The following TBC1D4 variants were observed in gnomAD, a reference collection of about 807,000 sequenced individuals.
TBC1D4 encodes the protein TBC (Tre-2, BUB2, CDC16) domain-containing protein.
In TBC1D4, 121 loss-of-function variants were observed where a neutral mutation model predicts 142.5. The observed-to-expected ratio is 0.85, with a 90% CI of 0.73 to 0.99. The LOEUF is 0.99. Ranked by LOEUF, TBC1D4 falls within the 50% of genes least tolerant of loss-of-function variation. The probability of loss-of-function intolerance (pLI) is 0.00; values close to 1 mark genes in which losing one functional copy is unlikely to be tolerated. For missense variants in TBC1D4, 1,475 were observed against 1,606.6 expected, an observed-to-expected ratio of 0.92 and a Z score of 1.40; for synonymous variants, 630 against 628.2, an observed-to-expected ratio of 1.00 and a Z score of -0.04.
intron 1 of TBC1D4, among the ~76,000 whole-genome samples, chr13:75,364,751 T>G (rs1353359878): frequency 6.6e-6 from 1 of 152,268 alleles, no homozygotes; most frequent in African/African-American, 2.4e-5. Context: ...ATTTTTAATC[T>G]GATTTTTAAC....
At chr13:75,386,049 T>C (rs969528975) in intron 1 of TBC1D4, among the ~76,000 whole-genome samples, 1 of 152,202 alleles carries the variant, frequency 6.6e-6, no homozygotes, top group African/African-American at 2.4e-5. Flanking sequence ...TAAGTTTAAT[T>C]GTACCCTACA....
At chr13:75,460,167 T>A (rs917510757) in intron 1 of TBC1D4, among the ~76,000 whole-genome samples, 6 of 151,452 alleles carry the variant, frequency 4.0e-5, no homozygotes, top group Admixed American at 1.3e-4. Context: ...AAAAAAAAAA[T>A]AATAATAATA....
At chr13:75,479,072 C>A (rs1309657041) in intron 1 of TBC1D4, among the ~76,000 whole-genome samples, 1 of 152,216 alleles carries the variant, frequency 6.6e-6, no homozygotes, top group Non-Finnish European at 1.5e-5. Flanking sequence ...CCTATTCATG[C>A]AATTTCCAAG....
chr13:75,369,703 T>C (rs963956578), intron 1 of TBC1D4, among the ~76,000 whole-genome samples: 1 of 152,150 alleles, frequency 6.6e-6, no homozygotes, highest in Non-Finnish European at 1.5e-5. Context: ...GAAATCACAA[T>C]GTTTATCTGA....
At chr13:75,298,805 C>T (rs369557591) in intron 17 of TBC1D4, among the ~76,000 whole-genome samples, 3 of 152,104 alleles carry the variant, frequency 2.0e-5, no homozygotes, top group African/African-American at 7.2e-5. Flanking sequence ...AAAGGCACCA[C>T]TGGCTTTCAC....
chr13:75,364,557 C>T (rs74096232), intron 1 of TBC1D4, among the ~76,000 whole-genome samples: 7 of 152,190 alleles, frequency 4.6e-5, no homozygotes, highest in Admixed American at 1.3e-4. Flanking sequence ...GCAACCTCAA[C>T]CCTTCATCAT....
At chr13:75,380,910 C>T (rs946482263) in intron 1 of TBC1D4, among the ~76,000 whole-genome samples, 18 of 152,102 alleles carry the variant, frequency 1.2e-4, no homozygotes, top group African/African-American at 3.9e-4. Context: ...GTAACATCTA[C>T]TATGCCCAAT....
At chr13:75,418,450 A>C (rs1471364675) in intron 1 of TBC1D4, among the ~76,000 whole-genome samples, 1 of 152,154 alleles carries the variant, frequency 6.6e-6, no homozygotes, top group East Asian at 1.9e-4. Flanking sequence ...TTTCCAGCTG[A>C]AAAAGGGGGA....
chr13:75,292,060 A>G (rs899650933), intron 19 of TBC1D4, 42 bp downstream of exon 19: 1 of 1,518,426 alleles, frequency 6.6e-7, no homozygotes, highest in Non-Finnish European at 9.1e-7. Context: ...TATATTCAGT[A>G]GAGAAAACTG....
intron 14 of TBC1D4, among the ~76,000 whole-genome samples, chr13:75,307,081 T>A (rs1298779169): frequency 6.6e-6 from 1 of 152,160 alleles, no homozygotes; most frequent in Non-Finnish European, 1.5e-5. Context: ...CATCTCAGCC[T>A]CCTGGGTAGC....
chr13:75,435,609 T>A (rs1031074203), intron 1 of TBC1D4, among the ~76,000 whole-genome samples: 1 of 152,178 alleles, frequency 6.6e-6, no homozygotes, highest in Non-Finnish European at 1.5e-5. Context: ...CATATATCTG[T>A]CCACTGACAG....
intron 1 of TBC1D4, among the ~76,000 whole-genome samples, chr13:75,463,079 T>A (rs939134282): frequency 1.3e-5 from 2 of 152,140 alleles, no homozygotes; most frequent in African/African-American, 4.8e-5. Flanking sequence ...TGACAGATGT[T>A]CTAATAACCA....
chr13:75,384,410 G>A (rs1380680796), intron 1 of TBC1D4, among the ~76,000 whole-genome samples: 3 of 152,080 alleles, frequency 2.0e-5, no homozygotes, highest in African/African-American at 7.2e-5. Context: ...CAGCCTGGGC[G>A]ACAGAGCGAG....
chr13:75,376,132 G>A (rs956433824), intron 1 of TBC1D4: 1 of 152,094 alleles, frequency 6.6e-6, no homozygotes, highest in Non-Finnish European at 1.5e-5. Context: ...AGTCAAAGCT[G>A]CAGAGATATG....
intron 1 of TBC1D4, among the ~76,000 whole-genome samples, chr13:75,404,917 T>C (rs1305656828): frequency 1.3e-5 from 2 of 152,164 alleles, no homozygotes; most frequent in Admixed American, 6.5e-5. Context: ...CTGCTGCTTA[T>C]CCTCTATGAC....
chr13:75,336,994 C>T lies in TBC1D4; in HGVS notation c.1658G>A (p.Arg553Lys). The T allele has an allele frequency of 4.3e-6, 7 of 1,613,182 alleles. No individual in the cohort carries two copies. The highest frequency in any genetic ancestry group is 5.9e-6 in the Non-Finnish European group (7 of 1,179,500). ...ATTTTTCAGAATGTCAAGTTTGAAC[C>T]TTCCACTGCTTGTTGCATTTTCTGG... is the stretch of plus-strand genomic sequence containing the variant. ...TIPENATSSG[R>K]FKLDILKNKA... The change falls in exon 8 of 21, where the codon AGG becomes AAG. Residue 553 changes from arginine (R) to lysine (K), a missense_variant. This residue lies in a region of TBC1D4 where 1,227 missense variants were observed against 1,267.7 expected (regional missense o/e 0.97). Coordinates refer to ENST00000377636, the MANE Select transcript of TBC1D4 (RefSeq NM_014832.5).
chr13:75,453,589 C>A (rs552757536), intron 1 of TBC1D4, among the ~76,000 whole-genome samples: 16 of 152,092 alleles, frequency 1.1e-4, no homozygotes, highest in African/African-American at 3.9e-4. Flanking sequence ...TGGCTGGGCG[C>A]GGTGGCTCAC....
intron 1 of TBC1D4, among the ~76,000 whole-genome samples, chr13:75,409,280 T>G (rs1367504891): frequency 1.3e-5 from 2 of 152,208 alleles, no homozygotes; most frequent in African/African-American, 4.8e-5. Flanking sequence ...ATTTTTCCTT[T>G]TTGCTCAATT....
At chr13:75,290,578 T>C (rs1168064103) in intron 19 of TBC1D4, among the ~76,000 whole-genome samples, 1 of 152,164 alleles carries the variant, frequency 6.6e-6, no homozygotes, top group African/African-American at 2.4e-5. Context: ...CAAGTGAATA[T>C]ATAAATAAAA....
Sources: allele counts gnomAD v4.1 joint callset (sites outside exome capture counted in the v4.1 genomes callset), GRCh38; gene constraint gnomAD v4.1.1; regional missense constraint gnomAD v4.1.1; transcripts MANE v1.5; gene names NCBI Gene and HGNC (gene_info 2026-07-23, HGNC 2026-07-21).